ABCC1: variants seen among roughly 807,000 people sequenced by gnomAD.
ABCC1 encodes multidrug resistance-associated protein 1.
A neutral mutation model predicts 172.9 loss-of-function variants in ABCC1; 83 were observed. The ratio of observed to expected loss-of-function variants is 0.48; its 90% CI spans 0.40 to 0.58. ABCC1 has a LOEUF of 0.58. Among genes scored for constraint, ABCC1 ranks in the 20% least tolerant of loss-of-function variants. ABCC1 has a pLI of 0.00. For missense variants in ABCC1, 1,817 were observed against 2,002.7 expected (o/e 0.91, Z 1.77); for synonymous variants, 937 against 825.2 (o/e 1.14, Z -2.32).
chr16:16,004,024 G>A (rs141580786), intron 1 of ABCC1, among the ~76,000 whole-genome samples: 495 of 42,408 alleles, frequency 0.012, 1 homozygote, highest in African/African-American at 0.023. Context: ...GGATGAATTG[G>A]TGGATGGATG....
chr16:16,055,721 T>A (rs1208948793), intron 11 of ABCC1, among the ~76,000 whole-genome samples: 1 of 151,920 alleles, frequency 6.6e-6, no homozygotes, highest in Non-Finnish European at 1.5e-5. Flanking sequence ...ATGTCTAACC[T>A]AACGTGATTT....
intron 14 of ABCC1, among the ~76,000 whole-genome samples, chr16:16,075,406 C>G (rs2050517810): frequency 6.6e-6 from 1 of 151,712 alleles, no homozygotes; most frequent in Non-Finnish European, 1.5e-5. Context: ...AAGCAGATCA[C>G]TTGAGGCCAA....
In ABCC1 at chr16:16,092,853, G is replaced by T. The variant is rs114854702; in HGVS notation, c.2644+2265G>T. Among the ~76,000 whole-genome samples the T allele has an allele frequency of 5.2e-3, 794 of 152,316 alleles. 12 individuals are homozygous for T. The highest frequency in any genetic ancestry group is 0.018 in the African/African-American group (758 of 41,576). ...GAAAGTACAAACATTAGCTGGGATG[G>T]TGGTGCACACCTGTAGTCCCGGCTA... On this transcript the variant is annotated intron_variant, in intron 19 of 30. Transcript: ENST00000399410.
At chr16:16,036,669 A>T in intron 7 of ABCC1, 66 bp downstream of exon 7, 1 of 1,538,016 alleles carries the variant, frequency 6.5e-7, no homozygotes, top group Non-Finnish European at 8.9e-7. Flanking sequence ...TGTGGCCTCA[A>T]TCCAGGATGG....
At position 16,086,993 on chromosome 16, in the gene ABCC1, T is replaced by C; in HGVS notation, c.2460+2T>C. 1 of 1,614,160 alleles carries C rather than the reference T, an allele frequency of 6.2e-7. No homozygotes were observed. The highest frequency in any genetic ancestry group is 8.5e-7 in the Non-Finnish European group (1 of 1,180,022). On this transcript the variant is annotated splice_donor_variant, in intron 18 of 30. Coordinates refer to ENST00000399410, the MANE Select transcript of ABCC1 (RefSeq NM_004996.4). LOFTEE classifies it high-confidence loss of function. ...CCCAAGGGGATGCTGAAGAACAAGG[T>C]GCCTGCTGGCGGGGTGGGGCTTGGT...
intron 1 of ABCC1, among the ~76,000 whole-genome samples, chr16:15,952,102 T>C (rs1220107493): frequency 6.6e-6 from 1 of 152,216 alleles, no homozygotes; most frequent in Non-Finnish European, 1.5e-5. Context: ...TGCCTCACTT[T>C]CCTCATCTCT....
At chr16:16,115,100 C>A (rs758688192) in intron 23 of ABCC1, 24 bp downstream of exon 23, 36 of 1,606,070 alleles carry the variant, frequency 2.2e-5, no homozygotes, top group Non-Finnish European at 3.1e-5. Context: ...TCTTAGTGTT[C>A]GGGACAAGCC....
chr16:16,015,746 G>A (rs1251523112), intron 4 of ABCC1, among the ~76,000 whole-genome samples: 1 of 152,182 alleles, frequency 6.6e-6, no homozygotes, highest in Non-Finnish European at 1.5e-5. Context: ...GTGCTTTGTA[G>A]ACATTTAGGG....
At chr16:16,120,251 T>G (rs949772385) in intron 23 of ABCC1, among the ~76,000 whole-genome samples, 1 of 152,140 alleles carries the variant, frequency 6.6e-6, no homozygotes, top group Non-Finnish European at 1.5e-5. Flanking sequence ...TTGTTAGTTT[T>G]CCCAGCTCTC....
chr16:15,964,080 A>G (rs2046194919), intron 1 of ABCC1, among the ~76,000 whole-genome samples: 1 of 151,810 alleles, frequency 6.6e-6, no homozygotes. Flanking sequence ...AGTAGCTGGG[A>G]TTACAGGCAC....
intron 21 of ABCC1, among the ~76,000 whole-genome samples, chr16:16,108,299 A>G (rs1379060911): frequency 1.4e-5 from 1 of 71,626 alleles, no homozygotes. Flanking sequence ...TTTTTTTTTG[A>G]GACGAAGTCC....
intron 12 of ABCC1, among the ~76,000 whole-genome samples, chr16:16,067,122 C>G (rs1413844690): frequency 6.6e-6 from 1 of 152,046 alleles, no homozygotes; most frequent in Admixed American, 6.6e-5. Context: ...TGGTGGTATG[C>G]GCCTGTAGTC....
At chr16:16,130,285 GTCCAGAGAAGACCAC>G (rs1200132816) in intron 26 of ABCC1, among the ~76,000 whole-genome samples, 5 of 152,116 alleles carry the variant, frequency 3.3e-5, no homozygotes, top group African/African-American at 9.7e-5. Context: ...TGTCGTGTCT[GTCCAGAGAAGACCAC>G]TCATTTCATT....
chr16:16,033,652 T>G (rs879439767), intron 6 of ABCC1, among the ~76,000 whole-genome samples: 8 of 152,034 alleles, frequency 5.3e-5, no homozygotes, highest in Non-Finnish European at 7.4e-5. Context: ...CTGGTCGTCT[T>G]TCTTTTTTTT....
chr16:15,997,457 G>A (rs2047096551), intron 1 of ABCC1, among the ~76,000 whole-genome samples: 1 of 152,198 alleles, frequency 6.6e-6, no homozygotes, highest in Non-Finnish European at 1.5e-5. Context: ...CTGGGCCAGT[G>A]CAGTGACCGG....
intron 1 of ABCC1, among the ~76,000 whole-genome samples, chr16:15,971,884 G>A (rs890600783): frequency 2.0e-5 from 3 of 152,150 alleles, no homozygotes; most frequent in African/African-American, 7.2e-5. Flanking sequence ...TGGTTTTAAG[G>A]AGTGGAGAGT....
At chr16:16,118,239 C>T (rs1450312370) in intron 23 of ABCC1, among the ~76,000 whole-genome samples, 1 of 152,084 alleles carries the variant, frequency 6.6e-6, no homozygotes, top group African/African-American at 2.4e-5. Flanking sequence ...CCATGAGGCT[C>T]ACCATATCTC....
intron 19 of ABCC1, among the ~76,000 whole-genome samples, chr16:16,101,770 G>T (rs1406202018): frequency 1.3e-5 from 2 of 152,190 alleles, no homozygotes; most frequent in Non-Finnish European, 2.9e-5. Context: ...CACGACACAC[G>T]GTGCCCAAGT....
chr16:16,104,054 C>G (rs912381252), intron 20 of ABCC1, among the ~76,000 whole-genome samples: 1 of 151,752 alleles, frequency 6.6e-6, no homozygotes, highest in Non-Finnish European at 1.5e-5. Flanking sequence ...TGGAGTCGTT[C>G]GTTCCTCCCG....
Sources: gnomAD v4.1 joint callset for allele counts (sites outside exome capture counted in the v4.1 genomes callset) on GRCh38, gnomAD v4.1.1 for gene constraint, MANE v1.5 for transcripts, NCBI Gene and HGNC (gene_info 2026-07-23, HGNC 2026-07-21) for gene names.